Variants in TBC1D5 observed in about 807,000 individuals in gnomAD.
The protein encoded by TBC1D5 is TBC1 domain family member 5, also known as TBC1 domain family, member 5.
Under a neutral mutation model 100.3 loss-of-function variants are expected in TBC1D5, and 75 were observed. That is an observed-to-expected ratio of 0.75 (90% CI 0.62 to 0.91). The LOEUF is 0.91. Ranked by LOEUF, TBC1D5 falls within the 40% of genes least tolerant of loss-of-function variation. The probability of loss-of-function intolerance (pLI) is 0.00; values close to 1 mark genes in which losing one functional copy is unlikely to be tolerated. For missense variants in TBC1D5, 910 were observed against 942.4 expected (o/e 0.97, Z 0.45); for synonymous variants, 323 against 325.6 (o/e 0.99, Z 0.09).
At chr3:17,372,786 A>T (rs2092530685) in intron 12 of TBC1D5, among the ~76,000 whole-genome samples, 1 of 152,254 alleles carries the variant, frequency 6.6e-6, no homozygotes. Flanking sequence ...AAAGGTTATT[A>T]TTCCAAAAAT....
chr3:17,585,935 C>G (rs896950681), intron 2 of TBC1D5, among the ~76,000 whole-genome samples: 2 of 152,062 alleles, frequency 1.3e-5, no homozygotes, highest in African/African-American at 4.8e-5. Context: ...TTCAATCATT[C>G]TAATTTCCTA....
chr3:17,350,120 G>A (rs1342023734), intron 13 of TBC1D5, among the ~76,000 whole-genome samples: 4 of 152,170 alleles, frequency 2.6e-5, no homozygotes, highest in East Asian at 1.9e-4. Context: ...GAAGCTAATC[G>A]TACAACTTTT....
chr3:17,509,455 T>G (rs1252440053), intron 2 of TBC1D5, among the ~76,000 whole-genome samples: 1 of 152,060 alleles, frequency 6.6e-6, no homozygotes, highest in East Asian at 1.9e-4. Flanking sequence ...TTGTACCTAA[T>G]AGAACAATTC....
chr3:17,580,093 G>A (rs991603753), intron 2 of TBC1D5, among the ~76,000 whole-genome samples: 1 of 152,038 alleles, frequency 6.6e-6, no homozygotes, highest in Non-Finnish European at 1.5e-5. Context: ...ATCATTTTCT[G>A]TTAAGTGAAT....
chr3:17,710,330 G>A (rs923898638), intron 1 of TBC1D5, among the ~76,000 whole-genome samples: 12 of 152,008 alleles, frequency 7.9e-5, no homozygotes, highest in East Asian at 3.9e-4. Flanking sequence ...TTTGGTTGGC[G>A]GAGGTGGGTG....
chr3:17,727,923 T>C (rs1271988384), intron 1 of TBC1D5, among the ~76,000 whole-genome samples: 1 of 152,194 alleles, frequency 6.6e-6, no homozygotes, highest in Non-Finnish European at 1.5e-5. Context: ...AAATCCACAC[T>C]ATATTACAAA....
intron 1 of TBC1D5, among the ~76,000 whole-genome samples, chr3:17,722,806 G>T (rs1164491047): frequency 6.6e-6 from 1 of 152,198 alleles, no homozygotes; most frequent in Non-Finnish European, 1.5e-5. Flanking sequence ...TTTAAGGTCT[G>T]TTTGCTCTTC....
chr3:17,312,572 T>C (rs1287070708), intron 13 of TBC1D5, among the ~76,000 whole-genome samples: 1 of 152,180 alleles, frequency 6.6e-6, no homozygotes, highest in Non-Finnish European at 1.5e-5. Flanking sequence ...GGAACACATG[T>C]TAACCTAATT....
At chr3:17,636,387 C>G (rs1356514526) in intron 1 of TBC1D5, among the ~76,000 whole-genome samples, 2 of 152,076 alleles carry the variant, frequency 1.3e-5, no homozygotes, top group African/African-American at 4.8e-5. Context: ...TGCCCATGGT[C>G]ATGCAATGAA....
chr3:17,637,788 G>A (rs989469099), intron 1 of TBC1D5, among the ~76,000 whole-genome samples: 5 of 152,170 alleles, frequency 3.3e-5, no homozygotes, highest in African/African-American at 1.2e-4. Flanking sequence ...AGGCAAACTG[G>A]AGCATCTTAC....
At chr3:17,555,362 T>C (rs1236943965) in intron 2 of TBC1D5, among the ~76,000 whole-genome samples, 1 of 152,130 alleles carries the variant, frequency 6.6e-6, no homozygotes, top group African/African-American at 2.4e-5. Flanking sequence ...ACATACGACA[T>C]GAATCAATAT....
intron 3 of TBC1D5, among the ~76,000 whole-genome samples, chr3:17,481,933 G>T (rs985140958): frequency 1.3e-5 from 2 of 152,108 alleles, no homozygotes; most frequent in Non-Finnish European, 2.9e-5. Context: ...TAGAGACGGG[G>T]TTTTACTATG....
chr3:17,209,321 C>CA (rs2125925043), intron 18 of TBC1D5, among the ~76,000 whole-genome samples: 1 of 152,178 alleles, frequency 6.6e-6, no homozygotes, highest in East Asian at 1.9e-4. Context: ...TAATTAAAAA[C>CA]AAATTTTTTT....
chr3:17,483,293 C>T (rs2095521896), intron 3 of TBC1D5, among the ~76,000 whole-genome samples: 1 of 152,082 alleles, frequency 6.6e-6, no homozygotes, highest in African/African-American at 2.4e-5. Context: ...TTAAACCACC[C>T]CCCACCCCAC....
chr3:17,741,800 A>ATTTTTTTTTTTTTT (rs779385615), upstream of TBC1D5, among the ~76,000 whole-genome samples: 2 of 47,956 alleles, frequency 4.2e-5, no homozygotes, highest in Non-Finnish European at 7.4e-5. Flanking sequence ...CTCCCTGCGA[A>ATTTTTTTTTTTTTT]TTTTTTTTTT....
chr3:17,220,494 A>G (rs1349047395), intron 17 of TBC1D5, among the ~76,000 whole-genome samples: 2 of 152,152 alleles, frequency 1.3e-5, no homozygotes, highest in African/African-American at 2.4e-5. Flanking sequence ...CTGATTCAGG[A>G]AAGTTTTTTC....
intron 15 of TBC1D5, among the ~76,000 whole-genome samples, chr3:17,279,822 T>C (rs1241751488): frequency 6.6e-6 from 1 of 152,216 alleles, no homozygotes; most frequent in Non-Finnish European, 1.5e-5. Flanking sequence ...TTTAACAAGC[T>C]TCCTAAGGTG....
intron 13 of TBC1D5, among the ~76,000 whole-genome samples, chr3:17,325,397 A>G (rs1319751363): frequency 6.9e-6 from 1 of 145,476 alleles, no homozygotes; most frequent in Non-Finnish European, 1.5e-5. Flanking sequence ...ATCTTGGCTC[A>G]TTGCAACCTT....
intron 3 of TBC1D5, among the ~76,000 whole-genome samples, chr3:17,493,675 A>G (rs888179997): frequency 2.6e-5 from 4 of 152,096 alleles, no homozygotes; most frequent in Non-Finnish European, 5.9e-5. Context: ...TCAGCAAGAT[A>G]GTCTTCAAAG....
Sources: gnomAD v4.1 joint callset for allele counts (sites outside exome capture counted in the v4.1 genomes callset) on GRCh38, gnomAD v4.1.1 for gene constraint, MANE v1.5 for transcripts, NCBI Gene and HGNC (gene_info 2026-07-23, HGNC 2026-07-21) for gene names.